KIAA2012: variants seen among roughly 807,000 people sequenced by gnomAD.
KIAA2012 encodes the protein uncharacterized protein KIAA2012.
A neutral mutation model predicts 150.6 loss-of-function variants in KIAA2012; 125 were observed. The observed-to-expected ratio is 0.83, with a 90% CI of 0.72 to 0.96. The LOEUF (loss-of-function observed/expected upper bound fraction) is 0.96. Among genes scored for constraint, KIAA2012 ranks in the 40% least tolerant of loss-of-function variants. KIAA2012 has a pLI of 0.00. For synonymous variants in KIAA2012, 462 were observed against 504.7 expected, an observed-to-expected ratio of 0.92 and a Z score of 1.13; for missense variants, 1,219 against 1,354.9, an observed-to-expected ratio of 0.90 and a Z score of 1.57.
At chr2:202,148,193 T>A (rs1396803449) in intron 13 of KIAA2012, among the ~76,000 whole-genome samples, 1 of 152,112 alleles carries the variant, frequency 6.6e-6, no homozygotes, top group African/African-American at 2.4e-5. Flanking sequence ...CTTAGCCCCA[T>A]TTTCTAGGTA....
rs1223280082 is a variant in KIAA2012, at chr2:202,200,110, T to C, written c.3408-2319T>C. Among the ~76,000 whole-genome samples the C allele has an allele frequency of 3.3e-5, 5 of 151,942 alleles. No homozygotes were observed. In the East Asian group the frequency reaches 9.7e-4, roughly 30 times the overall value. Reference sequence around the variant, plus strand: ...CACGCCCAGCTAATTTTTGTATTTTTAGTAGAGACGGGGGGTTTCACCATG... The same window carrying C: ...CACGCCCAGCTAATTTTTGTATTTTCAGTAGAGACGGGGGGTTTCACCATG... On this transcript the variant is annotated intron_variant, in intron 22 of 23. Transcript: ENST00000498697.
At chr2:202,168,985 G>A (rs1177876203) in intron 15 of KIAA2012, among the ~76,000 whole-genome samples, 2 of 152,188 alleles carry the variant, frequency 1.3e-5, no homozygotes, top group Admixed American at 6.5e-5. Flanking sequence ...TGGTACAACT[G>A]TTCTAACAAA....
intron 15 of KIAA2012, among the ~76,000 whole-genome samples, chr2:202,171,581 T>C (rs952487621): frequency 2.0e-5 from 3 of 151,928 alleles, no homozygotes; most frequent in Non-Finnish European, 4.4e-5. Context: ...TCGCCTCCTT[T>C]AGTCTTTTCT....
At chr2:202,087,886 C>A (rs1388870944) in intron 2 of KIAA2012, among the ~76,000 whole-genome samples, 1 of 151,710 alleles carries the variant, frequency 6.6e-6, no homozygotes, top group African/African-American at 2.4e-5. Flanking sequence ...GTCCCTTGGC[C>A]ATTCTGAGAT....
chr2:202,099,733 A>G lies in KIAA2012; in HGVS notation c.949A>G (p.Ser317Gly), dbSNP rs1432633837. Reference sequence around the variant, plus strand: ...CCGCATCGATCACTCTTGGCTCCCAAGTGACAAATCCCACATTACATTCTG... The same window carrying G: ...CCGCATCGATCACTCTTGGCTCCCAGGTGACAAATCCCACATTACATTCTG... ...HGRIDHSWLP[S>G]DKSHITFCGG... The change falls in exon 6 of 24, where the codon AGT becomes GGT. Residue 317 changes from serine to glycine, a missense_variant. Transcript: ENST00000498697. 3 of 1,550,492 alleles carry G rather than the reference A, an allele frequency of 1.9e-6. No individual in the cohort carries two copies. In the African/African-American group the frequency reaches 4.1e-5, roughly 21 times the overall value.
At chr2:202,144,649 T>C (rs2049192) in intron 13 of KIAA2012, among the ~76,000 whole-genome samples, 48,040 of 152,002 alleles carry the variant, frequency 0.32, 7,889 homozygotes, top group African/African-American at 0.39. Flanking sequence ...TATCTGCCTT[T>C]GTATCCTTTG....
chr2:202,116,557 A>G, intron 11 of KIAA2012: 1 of 132,096 alleles, frequency 7.6e-6, no homozygotes, highest in Non-Finnish European at 1.5e-5. Flanking sequence ...CCTCCCACCT[A>G]GGTCTCTCAA....
chr2:202,191,612 C>A (rs1692329577), intron 19 of KIAA2012, among the ~76,000 whole-genome samples: 1 of 151,778 alleles, frequency 6.6e-6, no homozygotes, highest in Admixed American at 6.6e-5. Context: ...AAAAAGAATA[C>A]CATATAGATG....
chr2:202,188,095 G>T, intron 17 of KIAA2012, 57 bp from the exon 18 acceptor site: 1 of 1,382,590 alleles, frequency 7.2e-7, no homozygotes, highest in South Asian at 1.3e-5. Context: ...CTTCTTTGAT[G>T]GATTTTTTCA....
intron 20 of KIAA2012, 49 bp downstream of exon 20, chr2:202,193,552 A>G (rs1026264827): frequency 1.3e-6 from 2 of 1,539,874 alleles, no homozygotes; most frequent in East Asian, 2.4e-5. Context: ...GAAGCAGAAG[A>G]AAAAGACAGT....
chr2:202,142,681 T>C (rs919102139), intron 13 of KIAA2012, among the ~76,000 whole-genome samples: 3 of 152,156 alleles, frequency 2.0e-5, no homozygotes, highest in Non-Finnish European at 4.4e-5. Flanking sequence ...CCAAAGTTAG[T>C]TCAGCCTACA....
At chr2:202,162,703 C>G (rs1447531269) in intron 14 of KIAA2012, among the ~76,000 whole-genome samples, 1 of 150,394 alleles carries the variant, frequency 6.6e-6, no homozygotes, top group African/African-American at 2.4e-5. Context: ...GATGCCAAGG[C>G]GGGTGGATCA....
intron 11 of KIAA2012, chr2:202,115,634 A>G (rs1168705300): frequency 6.6e-6 from 1 of 152,036 alleles, no homozygotes; most frequent in East Asian, 1.9e-4. Flanking sequence ...AGAACATCTC[A>G]TCTCCATCAT....
Position 202,073,540 on chromosome 2 carries a change from T to G in KIAA2012, c.-88T>G, listed in dbSNP as rs532619817. 5.3e-3 allele frequency: 6,200 copies of G among 1,168,920 alleles called. 36 individuals are homozygous for G. The highest frequency in any genetic ancestry group is 6.7e-3 in the Non-Finnish European group (5,478 of 813,992). 72.4% of individuals were successfully genotyped at this position (1,168,920 alleles called of 1,614,324 possible). A position where few individuals can be genotyped will look rare whatever the true frequency, so the allele number is the denominator to read the frequency against. On this transcript the variant is annotated 5_prime_UTR_variant, in exon 1 of 24. An upstream open reading frame in the 5' UTR loses its in-frame stop. Coordinates refer to ENST00000498697, the MANE Select transcript of KIAA2012 (RefSeq NM_001277372.4). ...GTTTGTGGTCTTCTTGGGCTTGCTGTGAGCTCTGGAAATCTTGAGGTGTGA... is the reference window on the plus strand; with the variant it reads ...GTTTGTGGTCTTCTTGGGCTTGCTGGGAGCTCTGGAAATCTTGAGGTGTGA...
intron 7 of KIAA2012, 143 bp downstream of exon 7, chr2:202,100,592 T>A: frequency 7.6e-6 from 7 of 920,926 alleles, no homozygotes; most frequent in Non-Finnish European, 1.1e-5. Flanking sequence ...GCTGACCAGG[T>A]GGAGCTGAAT....
chr2:202,198,481 A>C (rs1468718594), intron 22 of KIAA2012, among the ~76,000 whole-genome samples: 2 of 152,232 alleles, frequency 1.3e-5, no homozygotes, highest in Admixed American at 6.5e-5. Flanking sequence ...ATCTAACATG[A>C]GGGCCTTGTT....
intron 15 of KIAA2012, among the ~76,000 whole-genome samples, chr2:202,166,657 CA>C (rs370368855): frequency 4.1e-4 from 58 of 140,208 alleles, no homozygotes; most frequent in Non-Finnish European, 4.3e-4. Flanking sequence ...ACCCTGTCTC[CA>C]AAAAAAAACA....
Position 202,154,752 on chromosome 2 carries a change from C to G in KIAA2012, c.1988C>G (p.Ser663Ter). The G allele has an allele frequency of 6.5e-7, 1 of 1,550,220 alleles. No individual in the cohort carries two copies. Residue 663 changes from serine (S) to a stop codon, truncating the protein, a stop_gained, in exon 14 of 24, where the codon TCA (serine) becomes TGA (stop). Transcript: ENST00000498697. LOFTEE classifies it high-confidence loss of function. ...TGTATAAATAAAGCGCTGATATGTT[C>G]AAACAGAAAAGAATTTTACACGCGC... Reference protein sequence around the residue: ...QSCINKALICSNRKEFYTRKL... With the variant: ...QSCINKALIC
chr2:202,164,067 T>C (rs545197662), intron 14 of KIAA2012, among the ~76,000 whole-genome samples: 51 of 152,048 alleles, frequency 3.4e-4, no homozygotes, highest in African/African-American at 1.2e-3. Context: ...AGTGGAAAGG[T>C]GACTGTCACT....
Sources: gnomAD v4.1 joint callset for allele counts (sites outside exome capture counted in the v4.1 genomes callset) on GRCh38, gnomAD v4.1.1 for gene constraint, MANE v1.5 for transcripts, NCBI Gene and HGNC (gene_info 2026-07-23, HGNC 2026-07-21) for gene names.